The following CASR variants were observed in gnomAD, a reference collection of about 807,000 sequenced individuals.
CASR encodes the protein calcium sensing receptor, also known as extracellular calcium-sensing receptor.
Under a neutral mutation model 69.1 loss-of-function variants are expected in CASR, and 23 were observed. That is an observed-to-expected ratio of 0.33 (90% CI 0.24 to 0.47). The LOEUF is 0.47. Among genes scored for constraint, CASR ranks in the 20% least tolerant of loss-of-function variants. CASR has a pLI of 1.00. For synonymous variants in CASR, 541 were observed against 544.7 expected (o/e 0.99, Z 0.10); for missense variants, 924 against 1,356.1 (o/e 0.68, Z 5.00).
intron 1 of CASR, among the ~76,000 whole-genome samples, chr3:122,245,609 A>G (rs574989951): frequency 3.0e-4 from 45 of 152,154 alleles, no homozygotes; most frequent in Non-Finnish European, 5.6e-4. Context: ...CGTTGTGCCA[A>G]TGTACCCTAG....
chr3:122,265,810 ACACT>A (rs1437344885), intron 4 of CASR, among the ~76,000 whole-genome samples: 1 of 152,216 alleles, frequency 6.6e-6, no homozygotes, highest in Non-Finnish European at 1.5e-5. Context: ...CCTCACACCA[ACACT>A]CACTAGTCAG....
intron 6 of CASR, 107 bp from the exon 7 acceptor site, chr3:122,283,580 T>C (rs2074919042): frequency 2.4e-6 from 2 of 842,356 alleles, no homozygotes; most frequent in South Asian, 2.8e-5. Flanking sequence ...GGAGAAAATA[T>C]GTAGTGACCA....
chr3:122,202,142 T>TGAACCA (rs2073961768), intron 1 of CASR, among the ~76,000 whole-genome samples: 1 of 152,044 alleles, frequency 6.6e-6, no homozygotes, highest in African/African-American at 2.4e-5. Flanking sequence ...GAGCACTGAG[T>TGAACCA]GAACCAGACT....
chr3:122,257,134 A>C lies in CASR; in HGVS notation c.239A>C (p.Glu80Ala), dbSNP rs1576854303. 1 of 1,614,124 alleles carries C rather than the reference A, an allele frequency of 6.2e-7. No homozygotes were observed. The highest frequency in any genetic ancestry group is 8.5e-7 in the Non-Finnish European group (1 of 1,179,988). The stretch of plus-strand genomic sequence containing the variant: ...CAGGCTATGATATTTGCCATAGAGG[A>C]GATAAACAGCAGCCCAGCCCTTCTT... ...WLQAMIFAIE[E>A]INSSPALLPN... The change falls in exon 3 of 7, where the codon GAG becomes GCG. Residue 80 changes from glutamate (E) to alanine (A), a missense_variant. Around this residue, in one of 8 missense-constraint regions of CASR, gnomAD observed 141 missense variants for 283.0 expected, o/e 0.50. Coordinates refer to ENST00000639785, the MANE Select transcript of CASR (RefSeq NM_000388.4).
chr3:122,215,146 C>A (rs1267582544), intron 1 of CASR, among the ~76,000 whole-genome samples: 1 of 152,212 alleles, frequency 6.6e-6, no homozygotes, highest in Non-Finnish European at 1.5e-5. Context: ...ACCATGATTA[C>A]GGCCCTCTGC....
chr3:122,223,920 C>A (rs1253527557), intron 1 of CASR, among the ~76,000 whole-genome samples: 2 of 152,114 alleles, frequency 1.3e-5, no homozygotes, highest in Admixed American at 1.3e-4. Context: ...CCCACATAAA[C>A]AGAATTAAAA....
At chr3:122,224,761 C>T (rs2074206386) in intron 1 of CASR, among the ~76,000 whole-genome samples, 1 of 152,172 alleles carries the variant, frequency 6.6e-6, no homozygotes, top group Admixed American at 6.5e-5. Flanking sequence ...AAGAACAAAG[C>T]TGGAGGCATC....
rs1251254766 is a variant in CASR, at chr3:122,284,849, G to A, written c.2895G>A (p.Lys965=). ...RSQQQPRCKQ[K]VIFGSGTVTF... ...AGCAGCAGCCCAGATGCAAGCAGAAGGTCATCTTTGGCAGCGGCACGGTCA... is the reference window on the plus strand; with the variant it reads ...AGCAGCAGCCCAGATGCAAGCAGAAAGTCATCTTTGGCAGCGGCACGGTCA... The change falls in exon 7 of 7, where the codon AAG becomes AAA. Residue 965 remains lysine (K), a synonymous_variant. Coordinates refer to ENST00000639785, the MANE Select transcript of CASR (RefSeq NM_000388.4). The A allele has an allele frequency of 6.2e-7, 1 of 1,614,184 alleles. No homozygotes were observed. Among genetic ancestry groups the A allele is most frequent in the Non-Finnish European group, 8.5e-7 (1 of 1,180,032 alleles).
At chr3:122,213,545 G>T (rs901173103) in intron 1 of CASR, among the ~76,000 whole-genome samples, 1 of 152,094 alleles carries the variant, frequency 6.6e-6, no homozygotes, top group Admixed American at 6.5e-5. Flanking sequence ...CTCTCTCTAA[G>T]ACTGAAATAT....
chr3:122,238,495 A>T (rs2074350907), intron 1 of CASR, among the ~76,000 whole-genome samples: 1 of 152,126 alleles, frequency 6.6e-6, no homozygotes, highest in African/African-American at 2.4e-5. Flanking sequence ...GGACAAAAGG[A>T]CTGTAATTCC....
At chr3:122,208,268 C>G (rs748888520) in intron 1 of CASR, among the ~76,000 whole-genome samples, 2 of 152,128 alleles carry the variant, frequency 1.3e-5, no homozygotes, top group Admixed American at 6.5e-5. Flanking sequence ...GCTGCTTAAG[C>G]TGGGCTCAAG....
chr3:122,209,929 CA>C (rs2074045501), intron 1 of CASR, among the ~76,000 whole-genome samples: 1 of 152,132 alleles, frequency 6.6e-6, no homozygotes, highest in Non-Finnish European at 1.5e-5. Flanking sequence ...AAGGCTGGTT[CA>C]AATTACACAA....
intron 3 of CASR, among the ~76,000 whole-genome samples, chr3:122,261,231 C>A (rs1051743853): frequency 6.6e-6 from 1 of 152,166 alleles, no homozygotes; most frequent in Non-Finnish European, 1.5e-5. Flanking sequence ...GTACATCCCA[C>A]TATTGTTGGG....
intron 1 of CASR, among the ~76,000 whole-genome samples, chr3:122,194,200 T>C (rs1373290393): frequency 3.3e-5 from 5 of 152,102 alleles, no homozygotes; most frequent in African/African-American, 1.2e-4. Flanking sequence ...ATCTAGGCCT[T>C]CTATAACATG....
chr3:122,283,781 G>T lies in CASR; in HGVS notation c.1827G>T (p.Thr609=). Residue 609 remains threonine, a synonymous_variant, in exon 7 of 7, where the codon ACG becomes ACT. Coordinates refer to ENST00000639785, the MANE Select transcript of CASR (RefSeq NM_000388.4). ...IAKEIEFLSW[T]EPFGIALTLF... is the part of the protein sequence containing the mutation. Reference sequence around the variant, plus strand: ...AGGAGATCGAGTTTCTGTCGTGGACGGAGCCCTTTGGGATCGCACTCACCC... The same window carrying T: ...AGGAGATCGAGTTTCTGTCGTGGACTGAGCCCTTTGGGATCGCACTCACCC... The T allele has an allele frequency of 1.2e-6, 2 of 1,614,058 alleles. No individual in the cohort carries two copies. Among genetic ancestry groups the T allele is most frequent in the Non-Finnish European group, 1.7e-6 (2 of 1,179,986 alleles).
At chr3:122,252,130 T>TA (rs910086801) in intron 1 of CASR, among the ~76,000 whole-genome samples, 4 of 151,502 alleles carry the variant, frequency 2.6e-5, no homozygotes, top group Non-Finnish European at 4.4e-5. Context: ...CCCATCTCTA[T>TA]AAAAAAATAC....
At chr3:122,258,079 G>A (rs10222633) in intron 3 of CASR, among the ~76,000 whole-genome samples, 67,732 of 152,016 alleles carry the variant, frequency 0.45, 15,459 homozygotes, top group Non-Finnish European at 0.49. Context: ...CAAATGTGAA[G>A]TGCCATTTTA....
At chr3:122,271,796 A>G (rs999594946) in intron 4 of CASR, among the ~76,000 whole-genome samples, 1 of 152,166 alleles carries the variant, frequency 6.6e-6, no homozygotes, top group Non-Finnish European at 1.5e-5. Flanking sequence ...ACACTGATCT[A>G]CTTTCTGCTT....
rs193922421 is a variant in CASR at position 122,262,279 on chromosome 3, G to A, written c.1244G>A (p.Arg415Gln). The A allele has an allele frequency of 1.2e-6, 2 of 1,614,082 alleles. No individual in the cohort carries two copies. Among genetic ancestry groups the A allele is most frequent in the Non-Finnish European group, 1.7e-6 (2 of 1,179,990 alleles). Reference sequence around the variant, plus strand: ...CCTTACATAGATTACACGCATTTACGGATATCCTACAATGTGTACTTAGCA... The same window carrying A: ...CCTTACATAGATTACACGCATTTACAGATATCCTACAATGTGTACTTAGCA... ...ETPYIDYTHL[R>Q]ISYNVYLAVY... The change falls in exon 4 of 7, where the codon CGG (arginine) becomes CAG (glutamine). Residue 415 changes from arginine to glutamine, a missense_variant. Coordinates refer to ENST00000639785, the MANE Select transcript of CASR (RefSeq NM_000388.4).
Sources: allele counts gnomAD v4.1 joint callset (sites outside exome capture counted in the v4.1 genomes callset), GRCh38; gene constraint gnomAD v4.1.1; regional missense constraint gnomAD v4.1.1; transcripts MANE v1.5; gene names NCBI Gene and HGNC (gene_info 2026-07-23, HGNC 2026-07-21).